FAM241A: variants seen among roughly 807,000 people sequenced by gnomAD.
FAM241A encodes the protein uncharacterized protein FAM241A.
Under a neutral mutation model 12.2 loss-of-function variants are expected in FAM241A, and 7 were observed. That is an observed-to-expected ratio of 0.58 (90% CI 0.33 to 1.08). The LOEUF is 1.08. FAM241A is among the 50% of genes least tolerant of loss of function. The pLI, the probability that FAM241A is intolerant of heterozygous loss-of-function variation, is 0.04. For missense variants in FAM241A, 161 were observed against 169.7 expected, an observed-to-expected ratio of 0.95 and a Z score of 0.29; for synonymous variants, 74 against 68.2, an observed-to-expected ratio of 1.08 and a Z score of -0.42.
chr4:112,145,906 CAGG>C (rs1369723957), intron 1 of FAM241A, among the ~76,000 whole-genome samples, 173 bp downstream of exon 1: 2 of 151,268 alleles, frequency 1.3e-5, no homozygotes, highest in African/African-American at 2.4e-5. Context: ...ACGGCGCTCC[CAGG>C]AGGAGCGGCG....
At position 112,194,597 on chromosome 4, in the gene FAM241A, T is replaced by C. The variant is rs1275421135; in HGVS notation, c.*7659T>C. On this transcript the variant is annotated 3_prime_UTR_variant, in exon 2 of 2. Transcript: ENST00000309733. ...TTGTCAAAGGCCTTTTCTGCATCTA[T>C]TGAGATAATCATGTGGTTTTTGTCT... 1 of 152,216 alleles carries C rather than the reference T, an allele frequency of 6.6e-6. No individual in the cohort carries two copies. The highest frequency in any genetic ancestry group is 2.1e-4 in the South Asian group (1 of 4,814). 9.4% of individuals were successfully genotyped at this position (152,216 alleles called of 1,614,324 possible).
rs74550958 is a variant in FAM241A at position 112,169,292 on chromosome 4, C to T, written c.154-17401C>T. Among the ~76,000 whole-genome samples, 401 of 152,224 alleles carry T rather than the reference C, an allele frequency of 2.6e-3. 1 individual carries two copies. The highest frequency in any genetic ancestry group is 8.5e-3 in the African/African-American group (351 of 41,528). On this transcript the variant is annotated intron_variant, in intron 1 of 1. Coordinates refer to ENST00000309733, the MANE Select transcript of FAM241A (RefSeq NM_152400.3). Reference sequence around the variant, plus strand: ...GATTTTGAATATTATTGCTTTTCTTCGTTTTGTCCTAAAAGGAAGTGACTC... The same window carrying T: ...GATTTTGAATATTATTGCTTTTCTTTGTTTTGTCCTAAAAGGAAGTGACTC...
rs931042133 is a variant in FAM241A, at chr4:112,158,244, T to G, written c.153+12511T>G. ...TTTGGAAATCAAAGTCTTTGGGCGC[T>G]CTATATTTGGCTACGATTTTCAGGC... On this transcript the variant is annotated intron_variant, in intron 1 of 1. Coordinates refer to ENST00000309733, the MANE Select transcript of FAM241A (RefSeq NM_152400.3). 2.6e-5 allele frequency among the ~76,000 whole-genome samples: 4 copies of G among 152,234 alleles called. No homozygotes were observed. In the East Asian group the frequency reaches 7.7e-4, roughly 29 times the overall value.
chr4:112,148,295 T>C (rs976755913), intron 1 of FAM241A, among the ~76,000 whole-genome samples: 3 of 152,160 alleles, frequency 2.0e-5, no homozygotes, highest in African/African-American at 7.2e-5. Context: ...TTCATCAGCT[T>C]GTTATTACAA....
intron 1 of FAM241A, among the ~76,000 whole-genome samples, chr4:112,159,595 A>G (rs1243119332): frequency 1.3e-5 from 2 of 152,152 alleles, no homozygotes; most frequent in African/African-American, 2.4e-5. Flanking sequence ...ACCAAGTGCG[A>G]TTTATCCCAG....
rs1383546490 is a variant in FAM241A at position 112,187,045 on chromosome 4, A to G, written c.*107A>G. On this transcript the variant is annotated 3_prime_UTR_variant, in exon 2 of 2. Coordinates refer to ENST00000309733, the MANE Select transcript of FAM241A (RefSeq NM_152400.3). ...GAAAAAGTTTGCCTTGTTTCAAATCATGTGCTGGCTGTTTTGTAAGTAAAT... is the reference window on the plus strand; with the variant it reads ...GAAAAAGTTTGCCTTGTTTCAAATCGTGTGCTGGCTGTTTTGTAAGTAAAT... The G allele has an allele frequency of 8.0e-7, 1 of 1,256,226 alleles. No individual in the cohort carries two copies. The highest frequency in any genetic ancestry group is 1.1e-6 in the Non-Finnish European group (1 of 899,358). The allele number at this position is 1,256,226 out of a possible 1,614,324, so 77.8% of individuals were successfully genotyped here.
chr4:112,154,766 G>T (rs958397754), intron 1 of FAM241A, among the ~76,000 whole-genome samples: 1 of 151,482 alleles, frequency 6.6e-6, no homozygotes, highest in African/African-American at 2.4e-5. Flanking sequence ...GGTGTGGTGG[G>T]TCATGCCTGT....
intron 1 of FAM241A, among the ~76,000 whole-genome samples, chr4:112,181,721 T>G (rs1723947686): frequency 6.6e-6 from 1 of 152,136 alleles, no homozygotes; most frequent in Non-Finnish European, 1.5e-5. Flanking sequence ...AAAGAGCACG[T>G]GCAAATCCCT....
chr4:112,168,823 C>A (rs1439958750), intron 1 of FAM241A, among the ~76,000 whole-genome samples: 1 of 152,060 alleles, frequency 6.6e-6, no homozygotes, highest in Admixed American at 6.5e-5. Flanking sequence ...CACCCCCACA[C>A]CCAGCTTAAT....
At chr4:112,158,542 C>T (rs1390729635) in intron 1 of FAM241A, among the ~76,000 whole-genome samples, 1 of 152,000 alleles carries the variant, frequency 6.6e-6, no homozygotes, top group Non-Finnish European at 1.5e-5. Context: ...TCTCATTAAT[C>T]TTGTGTTGTA....
chr4:112,163,094 C>T (rs1723512511), intron 1 of FAM241A, among the ~76,000 whole-genome samples: 2 of 152,176 alleles, frequency 1.3e-5, no homozygotes, highest in Admixed American at 6.5e-5. Context: ...GCTGGGAAAA[C>T]TGGCTAGCCA....
intron 1 of FAM241A, among the ~76,000 whole-genome samples, chr4:112,152,903 CA>C (rs1723273556): frequency 6.6e-6 from 1 of 152,118 alleles, no homozygotes; most frequent in African/African-American, 2.4e-5. Flanking sequence ...TATGAGGATT[CA>C]GTCTCATTTT....
At chr4:112,155,123 GA>G (rs35926180) in intron 1 of FAM241A, among the ~76,000 whole-genome samples, 3 of 151,836 alleles carry the variant, frequency 2.0e-5, no homozygotes, top group African/African-American at 7.3e-5. Context: ...ATTAGTTCAT[GA>G]AAAGCCCTTC....
chr4:112,145,718 G>T lies in FAM241A; in HGVS notation c.138G>T (p.Pro46=), dbSNP rs1318640671. 2.5e-6 allele frequency: 3 copies of T among 1,191,302 alleles called. No individual in the cohort carries two copies. The highest frequency in any genetic ancestry group is 3.1e-6 in the Non-Finnish European group (3 of 962,252). 73.8% of individuals were successfully genotyped at this position (1,191,302 alleles called of 1,614,324 possible). Residue 46 remains proline, a synonymous_variant, in exon 1 of 2, where the codon CCG becomes CCT. Transcript: ENST00000309733. Reference sequence around the variant, plus strand: ...GCCCGCGGCGGCGCGGACAGCGGCCGAAGGAGAGCGAGCAGGTGAGCGCGG... The same window carrying T: ...GCCCGCGGCGGCGCGGACAGCGGCCTAAGGAGAGCGAGCAGGTGAGCGCGG... The part of the protein sequence containing the change: ...GASPRRRGQR[P]KESEQDVEDS...
At chr4:112,171,225 A>G (rs1723712179) in intron 1 of FAM241A, 2 of 718,886 alleles carry the variant, frequency 2.8e-6, no homozygotes, top group Non-Finnish European at 5.1e-6. Context: ...CATGGTAAAC[A>G]TTCCTAAAAC....
chr4:112,152,697 C>G (rs1293838046), intron 1 of FAM241A, among the ~76,000 whole-genome samples: 1 of 152,108 alleles, frequency 6.6e-6, no homozygotes, highest in African/African-American at 2.4e-5. Context: ...CTGCATACAT[C>G]TTCCCCTACC....
At chr4:112,183,113 G>A (rs951946851) in intron 1 of FAM241A, among the ~76,000 whole-genome samples, 2 of 151,838 alleles carry the variant, frequency 1.3e-5, no homozygotes, top group African/African-American at 4.8e-5. Flanking sequence ...GTTACTTTTA[G>A]GCATTAGCCT....
At chr4:112,159,008 T>A (rs1723408904) in intron 1 of FAM241A, among the ~76,000 whole-genome samples, 1 of 152,206 alleles carries the variant, frequency 6.6e-6, no homozygotes, top group South Asian at 2.1e-4. Context: ...TAACTGTCAT[T>A]CTACTCTGTC....
intron 1 of FAM241A, among the ~76,000 whole-genome samples, chr4:112,162,097 C>G (rs1723484178): frequency 6.6e-6 from 1 of 152,134 alleles, no homozygotes; most frequent in South Asian, 2.1e-4. Flanking sequence ...AGGCCTTCGA[C>G]AAAATTCAAC....
Sources: gnomAD v4.1 joint callset for allele counts (sites outside exome capture counted in the v4.1 genomes callset) on GRCh38, gnomAD v4.1.1 for gene constraint, MANE v1.5 for transcripts, NCBI Gene and HGNC (gene_info 2026-07-23, HGNC 2026-07-21) for gene names.